NVL: variants seen among roughly 807,000 people sequenced by gnomAD.
NVL encodes the protein nuclear VCP like, also known as nuclear valosin-containing protein-like.
Under a neutral mutation model 110.2 loss-of-function variants are expected in NVL, and 84 were observed. The ratio of observed to expected loss-of-function variants is 0.76; its 90% CI spans 0.64 to 0.91. The LOEUF is 0.91. NVL is among the 40% of genes least tolerant of loss of function. The pLI, the probability that NVL is intolerant of heterozygous loss-of-function variation, is 0.00. For synonymous variants in NVL, 354 were observed against 361.1 expected (o/e 0.98, Z 0.22); for missense variants, 882 against 1,035.9 (o/e 0.85, Z 2.04).
intron 18 of NVL, among the ~76,000 whole-genome samples, chr1:224,262,757 A>G (rs918408995): frequency 2.6e-5 from 4 of 152,174 alleles, no homozygotes; most frequent in African/African-American, 9.7e-5. Context: ...AAAGCAAAAG[A>G]AAAAAATGAG....
At chr1:224,326,305 C>G (rs1379589643) in intron 2 of NVL, 86 bp downstream of exon 2, 4 of 906,490 alleles carry the variant, frequency 4.4e-6, no homozygotes, top group Non-Finnish European at 5.2e-6. Flanking sequence ...CTACTGATAT[C>G]AACTGGAAAT....
chr1:224,308,645 C>T (rs1322598159), intron 5 of NVL, among the ~76,000 whole-genome samples: 4 of 142,196 alleles, frequency 2.8e-5, no homozygotes, highest in Non-Finnish European at 6.1e-5. Flanking sequence ...GAGCCGAGAT[C>T]ACACCACTGC....
chr1:224,250,157 T>C, intron 19 of NVL, 55 bp downstream of exon 19: 1 of 1,572,678 alleles, frequency 6.4e-7, no homozygotes. Flanking sequence ...CTTATAACTG[T>C]CTCTATTTAA....
At chr1:224,228,328 G>A (rs927885196) in intron 22 of NVL, among the ~76,000 whole-genome samples, 2 of 152,050 alleles carry the variant, frequency 1.3e-5, no homozygotes, top group East Asian at 2.0e-4. Flanking sequence ...TTTTTGAAAC[G>A]GAGTCTCACT....
chr1:224,313,279 AAAG>A (rs951765206), intron 4 of NVL: 9 of 154,184 alleles, frequency 5.8e-5, no homozygotes, highest in African/African-American at 2.2e-4. Context: ...GAAAAAAAAA[AAAG>A]TTTTGCCTTA....
chr1:224,234,978 T>A (rs887084494), intron 20 of NVL, among the ~76,000 whole-genome samples: 3 of 152,108 alleles, frequency 2.0e-5, no homozygotes, highest in South Asian at 2.1e-4. Context: ...TATTATTATT[T>A]TTTTTGTAGA....
intron 5 of NVL, 76 bp downstream of exon 5, chr1:224,311,724 C>T: frequency 9.0e-7 from 1 of 1,109,726 alleles, no homozygotes; most frequent in Non-Finnish European, 1.4e-6. Context: ...CCAGCTAATA[C>T]TGAGTTTTTC....
At chr1:224,307,891 T>C in intron 6 of NVL, 100 bp downstream of exon 6, 1 of 1,131,292 alleles carries the variant, frequency 8.8e-7, no homozygotes, top group South Asian at 1.9e-5. Context: ...AAAGTTCCTA[T>C]GCCTTCCACA....
At chr1:224,283,142 C>T (rs116200852) in intron 15 of NVL, among the ~76,000 whole-genome samples, 126 of 152,230 alleles carry the variant, frequency 8.3e-4, no homozygotes, top group African/African-American at 2.7e-3. Context: ...GCTGTGAAGT[C>T]CATTCATGGA....
chr1:224,231,629 T>C (rs963653241), intron 21 of NVL, among the ~76,000 whole-genome samples: 3 of 152,152 alleles, frequency 2.0e-5, no homozygotes, highest in African/African-American at 7.2e-5. Flanking sequence ...GAAAGTAGGA[T>C]TCCATAGTAT....
chr1:224,250,101 C>A, intron 19 of NVL, 111 bp downstream of exon 19: 2 of 1,064,606 alleles, frequency 1.9e-6, no homozygotes, highest in Non-Finnish European at 1.3e-6. Flanking sequence ...GCTGGGCAAA[C>A]ACAGCTACAG....
intron 19 of NVL, among the ~76,000 whole-genome samples, chr1:224,237,730 C>CTTTTTCT (rs1553304546): frequency 2.3e-5 from 3 of 130,086 alleles, no homozygotes; most frequent in Admixed American, 8.3e-5. Context: ...TGCCTGGCTA[C>CTTTTTCT]TTTTTTTTTT....
At position 224,238,130 on chromosome 1, in the gene NVL, C is replaced by T. The variant is rs192474351; in HGVS notation, c.2290-1548G>A. ...CTTACTGCAACCTCCACCTCCCGGGCTCAAGCCATCCTCCCACCTCAGCCT... is the reference window on the plus strand; with the variant it reads ...CTTACTGCAACCTCCACCTCCCGGGTTCAAGCCATCCTCCCACCTCAGCCT... On this transcript the variant is annotated intron_variant, in intron 19 of 22. Transcript: ENST00000281701. Among the ~76,000 whole-genome samples the T allele has an allele frequency of 5.9e-3, 890 of 152,078 alleles. 9 individuals are homozygous for T. The highest frequency in any genetic ancestry group is 0.02 in the African/African-American group (845 of 41,464).
intron 4 of NVL, among the ~76,000 whole-genome samples, chr1:224,314,042 A>G (rs1669822678): frequency 6.6e-6 from 1 of 152,206 alleles, no homozygotes; most frequent in South Asian, 2.1e-4. Context: ...TTTTGCCTAT[A>G]AAAACAGCAA....
rs754854441 is a variant in NVL at position 224,303,731 on chromosome 1, T to C, written c.952A>G (p.Ile318Val). The C allele has an allele frequency of 6.2e-6, 10 of 1,611,554 alleles. No individual in the cohort carries two copies. Among genetic ancestry groups the C allele is most frequent in the East Asian group, 4.5e-5 (2 of 44,818 alleles). ...GCGKTLLAHAIAGELDLPILK... is the reference protein window; with the variant it reads ...GCGKTLLAHAVAGELDLPILK... ...ATGTCAGCAAGCCTCACCCCAGCAATTGCATGTGCAAGTAATGTCTTCCCA... is the reference window on the plus strand; with the variant it reads ...ATGTCAGCAAGCCTCACCCCAGCAACTGCATGTGCAAGTAATGTCTTCCCA... The change falls in exon 9 of 23, where the codon ATT becomes GTT. Residue 318 changes from isoleucine to valine, a missense_variant. Physicochemically the swap from Ile to Val is conservative, Grantham distance 29. This residue lies in a region of NVL where 416 missense variants were observed against 499.3 expected (regional missense o/e 0.83). Transcript: ENST00000281701.
At chr1:224,281,013 A>G (rs1420426627) in intron 16 of NVL, 110 bp downstream of exon 16, 18 of 1,013,154 alleles carry the variant, frequency 1.8e-5, no homozygotes, top group Middle Eastern at 5.5e-4. Flanking sequence ...CACTGATTTT[A>G]AATACCAAAA....
intron 16 of NVL, 147 bp from the exon 17 acceptor site, chr1:224,275,605 T>C (rs1055345222): frequency 1.3e-5 from 13 of 985,006 alleles, no homozygotes; most frequent in Non-Finnish European, 1.9e-5. Flanking sequence ...CAATTGCTGA[T>C]ATTTAACCAT....
chr1:224,318,933 G>A (rs1190768898), intron 2 of NVL, among the ~76,000 whole-genome samples: 2 of 150,952 alleles, frequency 1.3e-5, no homozygotes, highest in Non-Finnish European at 2.9e-5. Context: ...AGCTTGCAGT[G>A]AGCCAAGATC....
At chr1:224,296,463 T>G in intron 11 of NVL, 38 bp downstream of exon 11, 1 of 1,101,190 alleles carries the variant, frequency 9.1e-7, no homozygotes, top group Non-Finnish European at 1.3e-6. Context: ...TTTTAAAAAA[T>G]TTATTCTCTT....
Sources: gnomAD v4.1 joint callset for allele counts (sites outside exome capture counted in the v4.1 genomes callset) on GRCh38, gnomAD v4.1.1 for gene constraint, gnomAD v4.1.1 regional missense constraint, MANE v1.5 for transcripts, NCBI Gene and HGNC (gene_info 2026-07-23, HGNC 2026-07-21) for gene names.